The following PRDM5 variants were observed in gnomAD, a reference collection of about 807,000 sequenced individuals.
PRDM5 encodes the protein PR domain zinc finger protein 5.
In PRDM5, 56 loss-of-function variants were observed where a neutral mutation model predicts 81.2. That is an observed-to-expected ratio of 0.69 (90% CI 0.56 to 0.86). The LOEUF is 0.86. PRDM5 is among the 40% of genes least tolerant of loss of function. The pLI, the probability that PRDM5 is intolerant of heterozygous loss-of-function variation, is 0.00. For synonymous variants in PRDM5, 267 were observed against 256.4 expected, an observed-to-expected ratio of 1.04 and a Z score of -0.39; for missense variants, 697 against 770.1, an observed-to-expected ratio of 0.91 and a Z score of 1.12.
At chr4:120,784,057 G>C (rs1391902663) in intron 11 of PRDM5, among the ~76,000 whole-genome samples, 1 of 152,116 alleles carries the variant, frequency 6.6e-6, no homozygotes, top group Non-Finnish European at 1.5e-5. Context: ...TTAAAAGTAA[G>C]AAGTGTAAAT....
At position 120,693,170 on chromosome 4, in the gene PRDM5, G is replaced by A. The variant is rs1578556075; in HGVS notation, c.*1941C>T. The A allele has an allele frequency of 6.6e-6, 1 of 152,128 alleles. No homozygotes were observed. The highest frequency in any genetic ancestry group is 3.4e-3 in the Middle Eastern group (1 of 294). 9.4% of individuals were successfully genotyped at this position (152,128 alleles called of 1,614,324 possible). A position where few individuals can be genotyped will look rare whatever the true frequency, so the allele number is the denominator to read the frequency against. Reference sequence around the variant, plus strand: ...CACAGTTTTCAGGGTAATTTCCCCAGCAGCCATGTGAACTGTGACTCACTG... The same window carrying A: ...CACAGTTTTCAGGGTAATTTCCCCAACAGCCATGTGAACTGTGACTCACTG... On this transcript the variant is annotated 3_prime_UTR_variant, in exon 16 of 16. Coordinates refer to ENST00000264808, the MANE Select transcript of PRDM5 (RefSeq NM_018699.4).
chr4:120,874,837 C>T (rs1762183807), intron 2 of PRDM5, among the ~76,000 whole-genome samples: 2 of 152,238 alleles, frequency 1.3e-5, no homozygotes, highest in Non-Finnish European at 2.9e-5. Flanking sequence ...AGCATCTGAG[C>T]TTCTGGCTCT....
chr4:120,698,250 T>C (rs1734807480), intron 15 of PRDM5, among the ~76,000 whole-genome samples: 1 of 152,226 alleles, frequency 6.6e-6, no homozygotes, highest in Admixed American at 6.5e-5. Context: ...GGATAATCTC[T>C]ACATTGCCAA....
rs940034216 is a variant in PRDM5 at position 120,694,443 on chromosome 4, T to C, written c.*668A>G. On this transcript the variant is annotated 3_prime_UTR_variant, in exon 16 of 16. Transcript: ENST00000264808. Reference sequence around the variant, plus strand: ...GCATCTGAATGATGAGAATAAATAATGTTTCCTAAGAATCCTCTAAAATGA... The same window carrying C: ...GCATCTGAATGATGAGAATAAATAACGTTTCCTAAGAATCCTCTAAAATGA... 6.6e-6 allele frequency: 1 copy of C among 152,186 alleles called. No individual in the cohort carries two copies. Among genetic ancestry groups the C allele is most frequent in the Admixed American group, 6.6e-5 (1 of 15,250 alleles). 9.4% of individuals were successfully genotyped at this position (152,186 alleles called of 1,614,324 possible).
chr4:120,795,066 G>C lies in PRDM5; in HGVS notation c.1188+3201C>G, dbSNP rs141386743. Reference sequence around the variant, plus strand: ...ATTATTCCAGGAGAAGTTGTGACTAGATTTCCTCATAAGCCTCTAAAGTTT... The same window carrying C: ...ATTATTCCAGGAGAAGTTGTGACTACATTTCCTCATAAGCCTCTAAAGTTT... On this transcript the variant is annotated intron_variant, in intron 10 of 15. Coordinates refer to ENST00000264808, the MANE Select transcript of PRDM5 (RefSeq NM_018699.4). Among the ~76,000 whole-genome samples, 501 of 152,310 alleles carry C rather than the reference G, an allele frequency of 3.3e-3. 3 individuals are homozygous for C. Among genetic ancestry groups the C allele is most frequent in the Middle Eastern group, 6.8e-3 (2 of 294 alleles).
chr4:120,881,802 G>C (rs936760643), intron 2 of PRDM5, among the ~76,000 whole-genome samples: 3 of 152,072 alleles, frequency 2.0e-5, no homozygotes, highest in African/African-American at 7.3e-5. Flanking sequence ...TGACTCAATT[G>C]ATCTTCCTTA....
chr4:120,845,367 A>T (rs1036833882), intron 3 of PRDM5, among the ~76,000 whole-genome samples: 1 of 152,208 alleles, frequency 6.6e-6, no homozygotes, highest in Admixed American at 6.5e-5. Context: ...GTTAGAGTCT[A>T]ATGCTGCAGG....
chr4:120,803,171 G>T (rs190670194), intron 8 of PRDM5, among the ~76,000 whole-genome samples: 98 of 152,242 alleles, frequency 6.4e-4, no homozygotes, highest in African/African-American at 2.2e-3. Flanking sequence ...AGAATAAAAA[G>T]AAACGAACGA....
intron 8 of PRDM5, among the ~76,000 whole-genome samples, chr4:120,804,948 C>T (rs1325572732): frequency 4.6e-5 from 7 of 151,780 alleles, no homozygotes; most frequent in South Asian, 2.1e-4. Flanking sequence ...ATTAATAGAC[C>T]GCTAGCAAGA....
At chr4:120,786,925 C>T (rs138217662) in intron 10 of PRDM5, among the ~76,000 whole-genome samples, 952 of 152,292 alleles carry the variant, frequency 6.3e-3, no homozygotes, top group Non-Finnish European at 0.01. Context: ...CTACGCTATG[C>T]GTTTCATGCC....
At position 120,693,009 on chromosome 4, in the gene PRDM5, A is replaced by C. The variant is rs1446431633; in HGVS notation, c.*2102T>G. The C allele has an allele frequency of 6.6e-6, 1 of 152,086 alleles. No individual in the cohort carries two copies. The highest frequency in any genetic ancestry group is 2.4e-5 in the African/African-American group (1 of 41,426). The allele number at this position is 152,086 out of a possible 1,614,324, so 9.4% of individuals were successfully genotyped here. On this transcript the variant is annotated 3_prime_UTR_variant, in exon 16 of 16. Coordinates refer to ENST00000264808, the MANE Select transcript of PRDM5 (RefSeq NM_018699.4). ...ACTTGTTTTGGTTTCAGTCCTCTGA[A>C]AGGAGAGAGTGGTGTACCACTCTCT...
intron 15 of PRDM5, among the ~76,000 whole-genome samples, chr4:120,699,189 TATATATATATATATA>T (rs1560889943): frequency 5.1e-4 from 62 of 122,700 alleles, no homozygotes; most frequent in East Asian, 2.7e-3. Context: ...TATATATATA[TATATATATATATATA>T]TTTCAGATGT....
At chr4:120,778,375 G>A (rs558492811) in intron 12 of PRDM5, among the ~76,000 whole-genome samples, 1 of 152,130 alleles carries the variant, frequency 6.6e-6, no homozygotes, top group African/African-American at 2.4e-5. Context: ...ACATTTCTCA[G>A]AAGACAACAC....
chr4:120,696,828 C>T (rs13106533), intron 15 of PRDM5, among the ~76,000 whole-genome samples: 24,105 of 152,048 alleles, frequency 0.16, 2,443 homozygotes, highest in Non-Finnish European at 0.24. Flanking sequence ...GTGGCAGTCC[C>T]CTGGAATATA....
chr4:120,695,373 T>C (rs1734411727), intron 15 of PRDM5, 98 bp from the exon 16 acceptor site: 2 of 1,318,630 alleles, frequency 1.5e-6, no homozygotes, highest in Non-Finnish European at 2.1e-6. Flanking sequence ...AATTAATAAG[T>C]TACTGCATTT....
intron 3 of PRDM5, among the ~76,000 whole-genome samples, chr4:120,850,076 C>T (rs1425106168): frequency 6.6e-6 from 1 of 152,088 alleles, no homozygotes; most frequent in African/African-American, 2.4e-5. Context: ...ATAATCAAGT[C>T]TCCAAGAAGG....
intron 2 of PRDM5, among the ~76,000 whole-genome samples, chr4:120,868,950 G>A (rs1268035123): frequency 6.6e-6 from 1 of 152,066 alleles, no homozygotes; most frequent in African/African-American, 2.4e-5. Flanking sequence ...GAAACAACTT[G>A]CAAGTCCTGG....
intron 3 of PRDM5, chr4:120,838,559 G>C (rs892691894): frequency 1.3e-5 from 2 of 152,206 alleles, no homozygotes; most frequent in African/African-American, 4.8e-5. Context: ...GTGGAAGACA[G>C]TTTTTCCATG....
At chr4:120,879,673 T>C (rs1057415588) in intron 2 of PRDM5, among the ~76,000 whole-genome samples, 2 of 152,214 alleles carry the variant, frequency 1.3e-5, no homozygotes, top group Non-Finnish European at 2.9e-5. Flanking sequence ...AGTATTTACA[T>C]TAAGCTTCTG....
Sources: allele counts gnomAD v4.1 joint callset (sites outside exome capture counted in the v4.1 genomes callset), GRCh38; gene constraint gnomAD v4.1.1; transcripts MANE v1.5; gene names NCBI Gene and HGNC (gene_info 2026-07-23, HGNC 2026-07-21).